FAM13A: variants seen among roughly 807,000 people sequenced by gnomAD.
The protein encoded by FAM13A is protein FAM13A.
Under a neutral mutation model 129.6 loss-of-function variants are expected in FAM13A, and 76 were observed. That is an observed-to-expected ratio of 0.59 (90% CI 0.49 to 0.71). FAM13A has a LOEUF of 0.71. Among genes scored for constraint, FAM13A ranks in the 30% least tolerant of loss-of-function variants. The pLI, the probability that FAM13A is intolerant of heterozygous loss-of-function variation, is 0.00. For synonymous variants in FAM13A, 443 were observed against 449.9 expected (o/e 0.98, Z 0.20); for missense variants, 1,108 against 1,249.3 (o/e 0.89, Z 1.70).
intron 3 of FAM13A, among the ~76,000 whole-genome samples, chr4:88,998,641 G>A (rs897416653): frequency 1.3e-5 from 2 of 152,162 alleles, no homozygotes; most frequent in Non-Finnish European, 2.9e-5. Context: ...CTATAAGGCT[G>A]CATGGGCACA....
intron 4 of FAM13A, among the ~76,000 whole-genome samples, chr4:88,956,644 T>C (rs999850262): frequency 4.6e-5 from 7 of 152,180 alleles, no homozygotes; most frequent in Non-Finnish European, 8.8e-5. Flanking sequence ...CTTGGAGTTC[T>C]AGAGGCCAGA....
intron 3 of FAM13A, among the ~76,000 whole-genome samples, chr4:89,005,541 A>G (rs1347634120): frequency 1.3e-5 from 2 of 152,230 alleles, no homozygotes; most frequent in Non-Finnish European, 2.9e-5. Flanking sequence ...TCAACAGTGT[A>G]TAAGGATTCC....
At chr4:88,940,701 G>C (rs1437459568) in intron 4 of FAM13A, among the ~76,000 whole-genome samples, 2 of 152,184 alleles carry the variant, frequency 1.3e-5, no homozygotes. Context: ...TCAGGCAAAG[G>C]TCCCTTTCAA....
At chr4:88,844,547 T>C (rs1415161334) in intron 7 of FAM13A, among the ~76,000 whole-genome samples, 1 of 152,052 alleles carries the variant, frequency 6.6e-6, no homozygotes, top group African/African-American at 2.4e-5. Flanking sequence ...CAAGACAAAA[T>C]ATGACACGTG....
At chr4:88,895,032 G>A (rs1485993358) in intron 6 of FAM13A, among the ~76,000 whole-genome samples, 2 of 151,962 alleles carry the variant, frequency 1.3e-5, no homozygotes. Flanking sequence ...AAATTAGAAA[G>A]TCTCAAATAT....
At position 88,991,715 on chromosome 4, in the gene FAM13A, T is replaced by C. The variant is rs180743603; in HGVS notation, c.428-565A>G. 3.3e-5 allele frequency among the ~76,000 whole-genome samples: 5 copies of C among 152,300 alleles called. No individual in the cohort carries two copies. The East Asian group carries it at 9.7e-4, about 29-fold the overall frequency. On this transcript the variant is annotated intron_variant, in intron 3 of 23. Coordinates refer to ENST00000264344, the MANE Select transcript of FAM13A (RefSeq NM_014883.4). ...GGGATGCTAAACTTAGTGATCAAGG[T>C]ACTGTACACAGAGAAAACTAAAGGA...
intron 5 of FAM13A, among the ~76,000 whole-genome samples, chr4:88,921,659 T>C (rs1751115834): frequency 6.6e-6 from 1 of 151,970 alleles, no homozygotes; most frequent in Non-Finnish European, 1.5e-5. Context: ...AGCAAAATAA[T>C]CAGCTAACAT....
intron 4 of FAM13A, among the ~76,000 whole-genome samples, chr4:88,989,034 C>T (rs1384738419): frequency 6.6e-6 from 1 of 151,612 alleles, no homozygotes; most frequent in Non-Finnish European, 1.5e-5. Flanking sequence ...ATGGTGAAAC[C>T]CCGTCTCTAC....
intron 1 of FAM13A, among the ~76,000 whole-genome samples, chr4:89,033,538 A>G (rs1053427789): frequency 2.0e-5 from 3 of 152,228 alleles, no homozygotes; most frequent in African/African-American, 4.8e-5. Context: ...TGCTGTAAAG[A>G]TAAGTGCACT....
chr4:89,040,132 G>A (rs554093062), intron 1 of FAM13A, among the ~76,000 whole-genome samples: 1 of 152,170 alleles, frequency 6.6e-6, no homozygotes, highest in South Asian at 2.1e-4. Context: ...TCCTTATGAG[G>A]TGCATGCTGC....
At chr4:88,838,786 A>T (rs533820204) in intron 7 of FAM13A, among the ~76,000 whole-genome samples, 1 of 152,266 alleles carries the variant, frequency 6.6e-6, no homozygotes, top group South Asian at 2.1e-4. Flanking sequence ...ATAAATAATG[A>T]CAAATTTCAC....
chr4:88,833,607 T>C (rs1734286134), intron 7 of FAM13A, among the ~76,000 whole-genome samples: 1 of 152,064 alleles, frequency 6.6e-6, no homozygotes, highest in Admixed American at 6.6e-5. Context: ...AATCCAAGAC[T>C]GAACATGGTG....
chr4:89,033,474 G>C (rs1000696457), intron 1 of FAM13A, among the ~76,000 whole-genome samples: 1 of 152,040 alleles, frequency 6.6e-6, no homozygotes, highest in African/African-American at 2.4e-5. Context: ...TGAGTCCAGG[G>C]GCCACAGTCT....
Position 88,794,850 on chromosome 4 carries a change from C to T in FAM13A, c.1050-4223G>A, listed in dbSNP as rs556166646. 2.0e-5 allele frequency among the ~76,000 whole-genome samples: 3 copies of T among 151,812 alleles called. No homozygotes were observed. The South Asian group carries it at 6.2e-4, about 31-fold the overall frequency. ...TAAAATTCTTAATTTGTCAATTTAA[C>T]AAAATATAGTATTTTTAGTATCATC... On this transcript the variant is annotated intron_variant, in intron 8 of 23. Coordinates refer to ENST00000264344, the MANE Select transcript of FAM13A (RefSeq NM_014883.4).
At chr4:88,817,271 T>G (rs1730938617) in intron 7 of FAM13A, among the ~76,000 whole-genome samples, 1 of 152,152 alleles carries the variant, frequency 6.6e-6, no homozygotes, top group African/African-American at 2.4e-5. Context: ...TGTTAAAAAA[T>G]TATTTCTATA....
intron 4 of FAM13A, among the ~76,000 whole-genome samples, chr4:88,945,422 C>T (rs946113392): frequency 2.0e-5 from 3 of 152,120 alleles, no homozygotes; most frequent in African/African-American, 7.2e-5. Flanking sequence ...TCCCAAGATG[C>T]ATGGAATGAG....
At chr4:88,906,002 T>C (rs1269100757) in intron 6 of FAM13A, among the ~76,000 whole-genome samples, 4 of 152,126 alleles carry the variant, frequency 2.6e-5, no homozygotes, top group Admixed American at 6.5e-5. Context: ...TCAAGAAACA[T>C]GCTGGCCGGG....
At chr4:89,011,010 G>T (rs2149084514) in intron 3 of FAM13A, among the ~76,000 whole-genome samples, 1 of 152,142 alleles carries the variant, frequency 6.6e-6, no homozygotes, top group East Asian at 1.9e-4. Context: ...ACCACGCCTG[G>T]CTAATTTTTG....
rs1249763260 is a variant in FAM13A at position 88,916,399 on chromosome 4, A to T, written c.760-9937T>A. On this transcript the variant is annotated intron_variant, in intron 5 of 23. Coordinates refer to ENST00000264344, the MANE Select transcript of FAM13A (RefSeq NM_014883.4). ...AACTTTATCAAAAAAAGCTTTCCCT[A>T]GTTATGTTTTTCAACCTGCTTTACT... Among the ~76,000 whole-genome samples, 4 of 152,226 alleles carry T rather than the reference A, an allele frequency of 2.6e-5. No homozygotes were observed. The South Asian group carries it at 8.3e-4, about 32-fold the overall frequency.
Sources: gnomAD v4.1 joint callset for allele counts (sites outside exome capture counted in the v4.1 genomes callset) on GRCh38, gnomAD v4.1.1 for gene constraint, MANE v1.5 for transcripts, NCBI Gene and HGNC (gene_info 2026-07-23, HGNC 2026-07-21) for gene names.